CEP68: variants seen among roughly 807,000 people sequenced by gnomAD.
CEP68 encodes the protein centrosomal protein 68, also known as centrosomal protein of 68 kDa.
CEP68 carries 26 observed loss-of-function variants against 55.3 expected under a neutral mutation model. The ratio of observed to expected loss-of-function variants is 0.47; its 90% confidence interval spans 0.34 to 0.65. The LOEUF (loss-of-function observed/expected upper bound fraction) is 0.65, where lower values mean the gene tolerates loss of function less well. CEP68 is among the 30% of genes least tolerant of loss of function. The probability of loss-of-function intolerance (pLI) is 0.01; values close to 1 mark genes in which losing one functional copy is unlikely to be tolerated. For synonymous variants in CEP68, 402 were observed against 383.2 expected (o/e 1.05, Z -0.57); for missense variants, 957 against 946.7 (o/e 1.01, Z -0.14).
At chr2:65,077,587 G>T (rs1394593305) in intron 4 of CEP68, among the ~76,000 whole-genome samples, 2 of 152,176 alleles carry the variant, frequency 1.3e-5, no homozygotes, top group African/African-American at 4.8e-5. Context: ...GCGCTAGAAG[G>T]AGACCCTAAC....
At chr2:65,075,242 C>A (rs781293175) in intron 4 of CEP68, 5 of 149,448 alleles carry the variant, frequency 3.3e-5, no homozygotes, top group African/African-American at 5.0e-5. Flanking sequence ...TATAGTGAGA[C>A]CTCGTCTCTA....
chr2:65,073,311 TC>T (rs1676592965), intron 3 of CEP68: 1 of 382,352 alleles, frequency 2.6e-6, no homozygotes, highest in East Asian at 6.4e-5. Flanking sequence ...TCAGAGGTAT[TC>T]TGAACAAAAA....
chr2:65,068,178 C>A (rs1437631460), intron 1 of CEP68, among the ~76,000 whole-genome samples: 2 of 152,196 alleles, frequency 1.3e-5, no homozygotes, highest in Non-Finnish European at 1.5e-5. Flanking sequence ...ACCTCCCCTT[C>A]CACATCCTCC....
intron 4 of CEP68, among the ~76,000 whole-genome samples, chr2:65,077,570 G>C (rs1676823768): frequency 6.6e-6 from 1 of 152,306 alleles, no homozygotes; most frequent in Non-Finnish European, 1.5e-5. Flanking sequence ...AACCCCATGA[G>C]GTGAGGGCGC....
intron 1 of CEP68, among the ~76,000 whole-genome samples, chr2:65,068,957 G>T (rs543275493): frequency 6.6e-6 from 1 of 152,334 alleles, no homozygotes; most frequent in Admixed American, 6.5e-5. Context: ...TGTTCTCTAG[G>T]ATAGAACAGT....
At chr2:65,070,891 C>A in intron 2 of CEP68, 1 of 153,604 alleles carries the variant, frequency 6.5e-6, no homozygotes, top group Non-Finnish European at 1.4e-5. Context: ...TCAGGTTTGT[C>A]TGGCTCCAAA....
Position 65,085,714 on chromosome 2 carries a change from G to A in CEP68, c.*2080G>A, listed in dbSNP as rs1258557642. On this transcript the variant is annotated 3_prime_UTR_variant, in exon 7 of 7. Coordinates refer to ENST00000377990, the MANE Select transcript of CEP68 (RefSeq NM_015147.3). ...TAGTCCCAGCTACTTGGGAGGCTGA[G>A]GCATGAGAATGGCATGAACCCGGGA... 2 of 152,450 alleles carry A rather than the reference G, an allele frequency of 1.3e-5. No homozygotes were observed. The highest frequency in any genetic ancestry group is 4.8e-5 in the African/African-American group (2 of 41,444). 9.4% of individuals were successfully genotyped at this position (152,450 alleles called of 1,614,324 possible).
At chr2:65,061,424 A>G (rs1675909988) in intron 1 of CEP68, among the ~76,000 whole-genome samples, 1 of 152,226 alleles carries the variant, frequency 6.6e-6, no homozygotes, top group African/African-American at 2.4e-5. Context: ...CAAAACTTCC[A>G]GAAGCAGCCC....
rs998044368 is a variant in CEP68 at position 65,086,057 on chromosome 2, A to G, written c.*2423A>G. 7.4e-6 allele frequency: 1 copy of G among 135,512 alleles called. No individual in the cohort carries two copies. The highest frequency in any genetic ancestry group is 2.7e-5 in the African/African-American group (1 of 36,620). 8.4% of individuals were successfully genotyped at this position (135,512 alleles called of 1,614,324 possible). ...TTCTTGGAGATCCATAGGTAAGCTC[A>G]GCAAATGGAAGACGACGTCAACACG... is the stretch of plus-strand genomic sequence containing the variant. On this transcript the variant is annotated 3_prime_UTR_variant, in exon 7 of 7. Transcript: ENST00000377990.
chr2:65,066,745 A>AAT (rs1553384179), intron 1 of CEP68, among the ~76,000 whole-genome samples: 588 of 58,358 alleles, frequency 0.01, 12 homozygotes, highest in Middle Eastern at 0.017. Context: ...AAAAAAAAAA[A>AAT]ATATATATAT....
At chr2:65,080,792 TG>T (rs1291753700) in intron 5 of CEP68, among the ~76,000 whole-genome samples, 1 of 151,980 alleles carries the variant, frequency 6.6e-6, no homozygotes, top group Non-Finnish European at 1.5e-5. Context: ...TACTCCAGCC[TG>T]GGCAACAAGA....
In CEP68 at chr2:65,072,679, C is replaced by T; in HGVS notation, c.1583C>T (p.Ala528Val). 1.2e-6 allele frequency: 2 copies of T among 1,614,176 alleles called. No individual in the cohort carries two copies. Among genetic ancestry groups the T allele is most frequent in the Non-Finnish European group, 1.7e-6 (2 of 1,180,026 alleles). Reference protein sequence around the residue: ...PLEVSDSDGPASFPSSSSQSQ... With the variant: ...PLEVSDSDGPVSFPSSSSQSQ... ...GAAGTGTCAGACAGTGATGGGCCAG[C>T]TTCCTTCCCTTCAAGCTCCAGCCAA... The change falls in exon 3 of 7, where the codon GCT becomes GTT. Residue 528 changes from alanine to valine, a missense_variant. By Grantham distance (64) the Ala-to-Val change is moderately conservative. Transcript: ENST00000377990.
At chr2:65,068,886 C>T (rs939755587) in intron 1 of CEP68, among the ~76,000 whole-genome samples, 8 of 152,252 alleles carry the variant, frequency 5.3e-5, no homozygotes, top group African/African-American at 1.9e-4. Context: ...CAGGCAGAGC[C>T]AAGCATCTTG....
chr2:65,067,198 T>G (rs1034529599), intron 1 of CEP68, among the ~76,000 whole-genome samples: 2 of 151,420 alleles, frequency 1.3e-5, no homozygotes, highest in Non-Finnish European at 2.9e-5. Context: ...GCTAACATGG[T>G]GAAACCCCAT....
intron 1 of CEP68, among the ~76,000 whole-genome samples, chr2:65,067,520 A>T (rs539303943): frequency 5.7e-4 from 87 of 152,244 alleles, no homozygotes; most frequent in Admixed American, 1.5e-3. Context: ...ATTTGTATTT[A>T]AAAATGGGCT....
In CEP68 at chr2:65,072,475, C is replaced by T. The variant is rs1355387494; in HGVS notation, c.1379C>T (p.Ala460Val). 3.1e-6 allele frequency: 5 copies of T among 1,613,972 alleles called. No individual in the cohort carries two copies. In the Admixed American group the frequency reaches 5.0e-5, roughly 16 times the overall value. ...AGGGAGAAGAGGACCAGCCAGAGTG[C>T]CCGGCGCCCTACCTGCACAGAGTCT... is the stretch of plus-strand genomic sequence containing the variant. ...PEREKRTSQSARRPTCTESRW... is the reference protein window; with the variant it reads ...PEREKRTSQSVRRPTCTESRW... Residue 460 changes from alanine (A) to valine (V), a missense_variant, in exon 3 of 7, where the codon GCC becomes GTC. Physicochemically the swap from Ala to Val is moderately conservative, Grantham distance 64. Transcript: ENST00000377990.
At chr2:65,082,287 T>TA (rs1244263320) in intron 5 of CEP68, among the ~76,000 whole-genome samples, 1 of 152,206 alleles carries the variant, frequency 6.6e-6, no homozygotes, top group African/African-American at 2.4e-5. Context: ...TTCTGTGAAT[T>TA]ACGTAATTTC....
chr2:65,066,767 T>TATATAC (rs1553384198), intron 1 of CEP68, among the ~76,000 whole-genome samples: 39 of 69,474 alleles, frequency 5.6e-4, no homozygotes, highest in Middle Eastern at 0.011. Context: ...TATATATATA[T>TATATAC]ACACACACAA....
At chr2:65,061,029 T>C (rs1043650254) in intron 1 of CEP68, among the ~76,000 whole-genome samples, 7 of 152,000 alleles carry the variant, frequency 4.6e-5, no homozygotes, top group African/African-American at 1.4e-4. Flanking sequence ...ATACTAAAAT[T>C]AGCCAGGCGT....
Sources: allele counts gnomAD v4.1 joint callset (sites outside exome capture counted in the v4.1 genomes callset), GRCh38; gene constraint gnomAD v4.1.1; transcripts MANE v1.5; gene names NCBI Gene and HGNC (gene_info 2026-07-23, HGNC 2026-07-21).